The following SCN9A variants were observed in gnomAD, a reference collection of about 807,000 sequenced individuals.
SCN9A encodes the protein sodium voltage-gated channel alpha subunit 9, also known as sodium channel protein type 9 subunit alpha.
A neutral mutation model predicts 187.0 loss-of-function variants in SCN9A; 131 were observed. That is an observed-to-expected ratio of 0.70 (90% CI 0.61 to 0.81). The LOEUF is 0.81. SCN9A is among the 30% of genes least tolerant of loss of function. The pLI, the probability that SCN9A is intolerant of heterozygous loss-of-function variation, is 0.00. For missense variants in SCN9A, 2,252 were observed against 2,396.6 expected (o/e 0.94, Z 1.26); for synonymous variants, 809 against 808.6 (o/e 1.00, Z -0.01).
rs201783312 is a variant in SCN9A at position 166,199,849 on chromosome 2, T to C, written c.4790A>G (p.Asp1597Gly). Residue 1597 changes from aspartate to glycine, a missense_variant, in exon 27 of 27, where the codon GAT becomes GGT. Around this residue, in one of 7 missense-constraint regions of SCN9A, gnomAD observed 368 missense variants for 408.6 expected, o/e 0.90. Coordinates refer to ENST00000642356, the MANE Select transcript of SCN9A (RefSeq NM_001365536.1). ...IISIVGMFLA[D>G]LIETYFVSPT... The stretch of plus-strand genomic sequence containing the variant: ...GGACACAAAATACGTTTCAATCAAA[T>C]CAGCTAGAAACATACCTGTATGTGG... 2 of 1,613,634 alleles carry C rather than the reference T, an allele frequency of 1.2e-6. No individual in the cohort carries two copies. The highest frequency in any genetic ancestry group is 4.5e-5 in the East Asian group (2 of 44,864).
chr2:166,287,992 T>TTA (rs529339487), intron 10 of SCN9A, among the ~76,000 whole-genome samples: 5 of 146,812 alleles, frequency 3.4e-5, no homozygotes, highest in East Asian at 2.0e-4. Context: ...TAAATTGAGA[T>TTA]TATATATATA....
intron 17 of SCN9A, among the ~76,000 whole-genome samples, chr2:166,258,718 A>T (rs1483695377): frequency 6.6e-6 from 1 of 151,702 alleles, no homozygotes; most frequent in Non-Finnish European, 1.5e-5. Flanking sequence ...ATTATTAAAT[A>T]CAAAGCTAGA....
At chr2:166,250,165 C>T (rs532391783) in intron 18 of SCN9A, among the ~76,000 whole-genome samples, 2 of 152,206 alleles carry the variant, frequency 1.3e-5, no homozygotes, top group East Asian at 3.9e-4. Flanking sequence ...ATTTTCCAAT[C>T]ATTTTGCTTA....
intron 24 of SCN9A, 63 bp downstream of exon 24, chr2:166,226,504 A>C: frequency 8.6e-7 from 1 of 1,169,330 alleles, no homozygotes; most frequent in Non-Finnish European, 1.2e-6. Flanking sequence ...ACTTTACATT[A>C]TCTTTTTTGG....
At chr2:166,344,234 AAT>A (rs1425612685) in intron 1 of SCN9A, among the ~76,000 whole-genome samples, 8 of 152,322 alleles carry the variant, frequency 5.3e-5, no homozygotes, top group African/African-American at 1.9e-4. Context: ...AGTATATCAA[AAT>A]ATGACATTAA....
intron 17 of SCN9A, among the ~76,000 whole-genome samples, chr2:166,265,949 G>A (rs1696717298): frequency 6.6e-6 from 1 of 151,686 alleles, no homozygotes; most frequent in South Asian, 2.1e-4. Flanking sequence ...TTCCTTGTAT[G>A]TTTTAGATAT....
intron 2 of SCN9A, among the ~76,000 whole-genome samples, chr2:166,311,126 T>A (rs1421255420): frequency 1.0e-5 from 1 of 99,480 alleles, no homozygotes; most frequent in Non-Finnish European, 2.0e-5. Flanking sequence ...AGGGATAGCA[T>A]TGGGAGATAT....
At chr2:166,267,613 G>T (rs1696798340) in intron 17 of SCN9A, among the ~76,000 whole-genome samples, 1 of 151,746 alleles carries the variant, frequency 6.6e-6, no homozygotes, top group African/African-American at 2.4e-5. Flanking sequence ...GATTTTTTTG[G>T]AATAATTTAA....
chr2:166,339,961 C>T (rs1273823312), intron 1 of SCN9A, among the ~76,000 whole-genome samples: 1 of 152,070 alleles, frequency 6.6e-6, no homozygotes, highest in Non-Finnish European at 1.5e-5. Flanking sequence ...ATGATTTAAC[C>T]TCAGGAACTA....
At chr2:166,222,945 C>CAAAAAAAAAAAAAAAAAAAAAAAAAAA (rs1309168684) in intron 24 of SCN9A, among the ~76,000 whole-genome samples, 7 of 44,954 alleles carry the variant, frequency 1.6e-4, no homozygotes, top group African/African-American at 3.9e-4. Flanking sequence ...AAAAAAACAA[C>CAAAAAAAAAAAAAAAAAAAAAAAAAAA]AAAAAAAAAA....
chr2:166,284,639 C>A lies in SCN9A; in HGVS notation c.1788G>T (p.Glu596Asp). Residue 596 changes from glutamate (E) to aspartate (D), a missense_variant, in exon 12 of 27, where the codon GAG (glutamate) becomes GAT (aspartate). This residue lies in a region of SCN9A where 1,013 missense variants were observed against 997.4 expected (regional missense o/e 1.02). Coordinates refer to ENST00000642356, the MANE Select transcript of SCN9A (RefSeq NM_001365536.1). Reference protein sequence around the residue: ...GSLFVPHRPQERRSSNISQAS... With the variant: ...GSLFVPHRPQDRRSSNISQAS... ...CTTGGCTGATGTTACTGCTGCGTCG[C>A]TCCTGGGGTCTGTGGGGCACAAACA... 1 of 1,614,020 alleles carries A rather than the reference C, an allele frequency of 6.2e-7. No homozygotes were observed. The highest frequency in any genetic ancestry group is 1.3e-5 in the African/African-American group (1 of 75,048).
intron 23 of SCN9A, among the ~76,000 whole-genome samples, 157 bp from the exon 24 acceptor site, chr2:166,226,861 C>T (rs112712500): frequency 6.6e-6 from 1 of 151,944 alleles, no homozygotes; most frequent in African/African-American, 2.4e-5. Flanking sequence ...TCACTCTTAA[C>T]AATTTATTCA....
At chr2:166,314,762 C>G (rs1699066896) in intron 1 of SCN9A, among the ~76,000 whole-genome samples, 1 of 152,076 alleles carries the variant, frequency 6.6e-6, no homozygotes, top group Non-Finnish European at 1.5e-5. Context: ...TCCCCAGAAA[C>G]AAAATGTAGA....
At chr2:166,229,723 GT>G (rs1015336463) in intron 21 of SCN9A, among the ~76,000 whole-genome samples, 1 of 152,124 alleles carries the variant, frequency 6.6e-6, no homozygotes, top group Non-Finnish European at 1.5e-5. Context: ...ATTAGGAACA[GT>G]TTTTCTTTAA....
chr2:166,367,260 A>T (rs1043647871), intron 1 of SCN9A, among the ~76,000 whole-genome samples: 1 of 151,758 alleles, frequency 6.6e-6, no homozygotes. Context: ...CATCCTAGAC[A>T]TTTTTTTAAT....
At chr2:166,205,361 A>G (rs1188334731) in intron 24 of SCN9A, 3 of 152,168 alleles carry the variant, frequency 2.0e-5, no homozygotes, top group Admixed American at 1.3e-4. Context: ...AACACTACAC[A>G]TCTACAACCA....
chr2:166,211,993 G>T (rs1009231937), intron 24 of SCN9A, among the ~76,000 whole-genome samples: 4 of 152,190 alleles, frequency 2.6e-5, no homozygotes, highest in Non-Finnish European at 5.9e-5. Context: ...ATAGATTTAT[G>T]AAAACAAGAT....
At chr2:166,268,721 CAA>C (rs1171246917) in intron 17 of SCN9A, among the ~76,000 whole-genome samples, 6 of 151,890 alleles carry the variant, frequency 4.0e-5, no homozygotes, top group Non-Finnish European at 8.8e-5. Context: ...TCTTATCAAA[CAA>C]ATTTCCTCTA....
intron 1 of SCN9A, among the ~76,000 whole-genome samples, chr2:166,312,462 C>G (rs1241816183): frequency 6.6e-6 from 1 of 152,156 alleles, no homozygotes; most frequent in Non-Finnish European, 1.5e-5. Context: ...CATAGTCATC[C>G]ATGAGAGTTG....
Sources: gnomAD v4.1 joint callset for allele counts (sites outside exome capture counted in the v4.1 genomes callset) on GRCh38, gnomAD v4.1.1 for gene constraint, gnomAD v4.1.1 regional missense constraint, MANE v1.5 for transcripts, NCBI Gene and HGNC (gene_info 2026-07-23, HGNC 2026-07-21) for gene names.